CDKAL1: variants seen among roughly 807,000 people sequenced by gnomAD.
CDKAL1 encodes CDKAL1 threonylcarbamoyladenosine tRNA methylthiotransferase.
Under a neutral mutation model 68.2 loss-of-function variants are expected in CDKAL1, and 32 were observed. The observed-to-expected ratio is 0.47, with a 90% CI of 0.35 to 0.63. The LOEUF (loss-of-function observed/expected upper bound fraction) is 0.63. CDKAL1 is among the 30% of genes least tolerant of loss of function. The pLI is 0.00. For missense variants in CDKAL1, 606 were observed against 696.7 expected, an observed-to-expected ratio of 0.87 and a Z score of 1.47; for synonymous variants, 234 against 244.3, an observed-to-expected ratio of 0.96 and a Z score of 0.39.
intron 13 of CDKAL1, among the ~76,000 whole-genome samples, chr6:21,121,654 A>C (rs1033849996): frequency 1.3e-5 from 2 of 152,216 alleles, no homozygotes; most frequent in African/African-American, 4.8e-5. Context: ...AGTTTCTAGA[A>C]TGTCAGCTGT....
At chr6:20,968,624 A>G (rs2150750207) in intron 10 of CDKAL1, among the ~76,000 whole-genome samples, 1 of 152,100 alleles carries the variant, frequency 6.6e-6, no homozygotes, top group Non-Finnish European at 1.5e-5. Context: ...CCATCAAGTC[A>G]TCTGAATTGA....
chr6:20,807,254 G>A (rs960798074), intron 8 of CDKAL1, among the ~76,000 whole-genome samples: 4 of 150,934 alleles, frequency 2.7e-5, no homozygotes, highest in South Asian at 4.2e-4. Flanking sequence ...ACGGAGTCTC[G>A]CTGTGTTGCC....
intron 7 of CDKAL1, among the ~76,000 whole-genome samples, chr6:20,772,542 A>C (rs1214816609): frequency 1.3e-5 from 2 of 152,236 alleles, no homozygotes; most frequent in Non-Finnish European, 2.9e-5. Context: ...TCTCCATTAG[A>C]CTAAAAGGAC....
At chr6:21,079,043 G>A (rs1363299670) in intron 12 of CDKAL1, among the ~76,000 whole-genome samples, 1 of 152,174 alleles carries the variant, frequency 6.6e-6, no homozygotes, top group African/African-American at 2.4e-5. Flanking sequence ...GGGTGCCTGT[G>A]TGAGAGGAAG....
At chr6:20,561,854 A>G (rs1412837985) in intron 4 of CDKAL1, among the ~76,000 whole-genome samples, 2 of 152,204 alleles carry the variant, frequency 1.3e-5, no homozygotes, top group Non-Finnish European at 1.5e-5. Context: ...TGTGTATGGG[A>G]ATCCCTTGAG....
In CDKAL1 at chr6:20,915,349, C is replaced by G. The variant is rs969274545; in HGVS notation, c.743-40070C>G. On this transcript the variant is annotated intron_variant, in intron 9 of 15. Transcript: ENST00000274695. ...ATTTTAAGAAATTGAGGAACTGGCTCTCACGACTGTGGGAACCAGCAAGTC... is the reference window on the plus strand; with the variant it reads ...ATTTTAAGAAATTGAGGAACTGGCTGTCACGACTGTGGGAACCAGCAAGTC... 2.0e-5 allele frequency among the ~76,000 whole-genome samples: 3 copies of G among 152,116 alleles called. 1 individual carries two copies. Among genetic ancestry groups the G allele is most frequent in the Non-Finnish European group, 4.4e-5 (3 of 68,030 alleles).
At chr6:20,874,677 A>G (rs1760406770) in intron 9 of CDKAL1, among the ~76,000 whole-genome samples, 1 of 151,756 alleles carries the variant, frequency 6.6e-6, no homozygotes, top group Non-Finnish European at 1.5e-5. Context: ...GATTTTCTGT[A>G]TTTTTAGTGG....
intron 4 of CDKAL1, among the ~76,000 whole-genome samples, chr6:20,588,439 A>T (rs938585137): frequency 3.3e-5 from 5 of 152,206 alleles, no homozygotes; most frequent in African/African-American, 9.7e-5. Context: ...GTAAAATTAT[A>T]AACATTTATA....
At chr6:21,164,790 G>GCTTTGTGCCAGC (rs1378559193) in intron 13 of CDKAL1, among the ~76,000 whole-genome samples, 1 of 152,062 alleles carries the variant, frequency 6.6e-6, no homozygotes, top group Non-Finnish European at 1.5e-5. Flanking sequence ...GACTTGACCA[G>GCTTTGTGCCAGC]CTTTGTGCCA....
intron 15 of CDKAL1, among the ~76,000 whole-genome samples, chr6:21,201,846 C>G (rs1226320778): frequency 6.6e-6 from 1 of 152,062 alleles, no homozygotes; most frequent in Non-Finnish European, 1.5e-5. Context: ...CAAGCTCTCT[C>G]ACATTTCATT....
chr6:20,946,469 A>G (rs1764241154), intron 9 of CDKAL1, among the ~76,000 whole-genome samples: 2 of 152,228 alleles, frequency 1.3e-5, no homozygotes, highest in Non-Finnish European at 2.9e-5. Context: ...GACTCAAAAC[A>G]TCTGCCCTCC....
intron 9 of CDKAL1, among the ~76,000 whole-genome samples, chr6:20,933,533 A>G (rs1763564580): frequency 6.6e-6 from 1 of 152,210 alleles, no homozygotes; most frequent in Non-Finnish European, 1.5e-5. Context: ...GAAACCTTAT[A>G]AATATATGAC....
chr6:21,012,434 A>G (rs1471548777), intron 11 of CDKAL1, among the ~76,000 whole-genome samples: 1 of 152,194 alleles, frequency 6.6e-6, no homozygotes, highest in Non-Finnish European at 1.5e-5. Flanking sequence ...TTATAAGTAC[A>G]TGATCTCTGG....
At position 21,065,214 on chromosome 6, in the gene CDKAL1, G is replaced by C. The variant is rs1771369013; in HGVS notation, c.1222G>C (p.Val408Leu). The C allele has an allele frequency of 6.2e-7, 1 of 1,606,844 alleles. No homozygotes were observed. The highest frequency in any genetic ancestry group is 8.5e-7 in the Non-Finnish European group (1 of 1,177,842). Residue 408 changes from valine (V) to leucine (L), a missense_variant, in exon 12 of 16, where the codon GTT becomes CTT. Val to Leu is a conservative substitution (Grantham distance 32). Transcript: ENST00000274695. ...PGTPAAKMEQ[V>L]PAQVKKQRTK... ...AACTCCTGCTGCAAAAATGGAACAAGTTCCAGCACAAGTGGTAAGATCTTT... is the reference window on the plus strand; with the variant it reads ...AACTCCTGCTGCAAAAATGGAACAACTTCCAGCACAAGTGGTAAGATCTTT...
rs1581826289 is a variant in CDKAL1, at chr6:20,917,267, C to G, written c.743-38152C>G. Among the ~76,000 whole-genome samples, 4 of 152,300 alleles carry G rather than the reference C, an allele frequency of 2.6e-5. No individual in the cohort carries two copies. In the South Asian group the frequency reaches 8.3e-4, roughly 32 times the overall value. ...AAGTGCTGGGATTACAGACATGAGC[C>G]ACTGCACCTGACCTTGCCTTTTTTT... On this transcript the variant is annotated intron_variant, in intron 9 of 15. Transcript: ENST00000274695.
At chr6:20,553,028 G>A (rs1763893399) in intron 4 of CDKAL1, among the ~76,000 whole-genome samples, 1 of 151,930 alleles carries the variant, frequency 6.6e-6, no homozygotes, top group Admixed American at 6.6e-5. Flanking sequence ...ACATAAAATA[G>A]GTATAAAATA....
chr6:20,551,149 GC>G (rs1220511166), intron 4 of CDKAL1, among the ~76,000 whole-genome samples: 3 of 152,190 alleles, frequency 2.0e-5, no homozygotes, highest in African/African-American at 7.2e-5. Flanking sequence ...ACAGGCGTGA[GC>G]CACTGTGCTC....
At chr6:21,114,469 A>G (rs1278851870) in intron 13 of CDKAL1, among the ~76,000 whole-genome samples, 1 of 152,050 alleles carries the variant, frequency 6.6e-6, no homozygotes, top group Non-Finnish European at 1.5e-5. Flanking sequence ...GTGGTGGCTC[A>G]TCCCTGTAAT....
intron 13 of CDKAL1, among the ~76,000 whole-genome samples, chr6:21,169,500 G>C (rs756181074): frequency 6.6e-6 from 1 of 152,192 alleles, no homozygotes; most frequent in Non-Finnish European, 1.5e-5. Context: ...GCCAGGCTTG[G>C]TGGTGCATAC....
Sources: allele counts gnomAD v4.1 joint callset (sites outside exome capture counted in the v4.1 genomes callset), GRCh38; gene constraint gnomAD v4.1.1; transcripts MANE v1.5; gene names NCBI Gene and HGNC (gene_info 2026-07-23, HGNC 2026-07-21).